HDAC4: variants seen among roughly 807,000 people sequenced by gnomAD.
The protein encoded by HDAC4 is histone deacetylase A.
A neutral mutation model predicts 135.1 loss-of-function variants in HDAC4; 16 were observed. That is an observed-to-expected ratio of 0.12 (90% confidence interval 0.08 to 0.18). The LOEUF (loss-of-function observed/expected upper bound fraction) is 0.18. Ranked by LOEUF, HDAC4 falls within the 10% of genes least tolerant of loss-of-function variation. The pLI is 1.00. For missense variants in HDAC4, 1,143 were observed against 1,511.8 expected (o/e 0.76, Z 4.05); for synonymous variants, 685 against 653.4 (o/e 1.05, Z -0.74).
At chr2:239,125,772 A>G (rs1559477730) in intron 12 of HDAC4, among the ~76,000 whole-genome samples, 1 of 152,226 alleles carries the variant, frequency 6.6e-6, no homozygotes, top group Non-Finnish European at 1.5e-5. Context: ...AGCCTTGCCT[A>G]CTACCTCCTC....
At chr2:239,112,366 GA>G (rs1249304037) in intron 13 of HDAC4, among the ~76,000 whole-genome samples, 2 of 152,218 alleles carry the variant, frequency 1.3e-5, no homozygotes, top group East Asian at 3.9e-4. Flanking sequence ...TCTCAGACTT[GA>G]AAGTGCCAAC....
chr2:239,116,094 G>C (rs758345738), intron 12 of HDAC4, among the ~76,000 whole-genome samples: 2 of 152,132 alleles, frequency 1.3e-5, no homozygotes, highest in African/African-American at 4.8e-5. Flanking sequence ...TCTCAGTGCG[G>C]AACAGGCGGC....
chr2:239,230,368 C>CAAAAAAAAAAAAAAAAAAAAAAG (rs2047478073), intron 3 of HDAC4, among the ~76,000 whole-genome samples: 1 of 79,394 alleles, frequency 1.3e-5, no homozygotes, highest in Non-Finnish European at 2.3e-5. Context: ...AGCAAGCAAG[C>CAAAAAAAAAAAAAAAAAAAAAAG]AAAAAAAAAA....
chr2:239,370,351 TAGAGTAAAAGC>T (rs1374635744), intron 1 of HDAC4, among the ~76,000 whole-genome samples: 1 of 151,694 alleles, frequency 6.6e-6, no homozygotes, highest in Non-Finnish European at 1.5e-5. Flanking sequence ...TGTTAAAGGG[TAGAGTAAAAGC>T]AGGTATGGTT....
intron 3 of HDAC4, 85 bp downstream of exon 3, chr2:239,236,508 C>T (rs908396961): frequency 3.6e-6 from 4 of 1,114,346 alleles, no homozygotes; most frequent in Non-Finnish European, 5.3e-6. Context: ...GCCCTCTCTG[C>T]ACTCCTCCAA....
rs558526696 is a variant in HDAC4, at chr2:239,397,247, AG to A, written c.-220+3730del. 5.3e-5 allele frequency among the ~76,000 whole-genome samples: 8 copies of A among 152,338 alleles called. No individual in the cohort carries two copies. The East Asian group carries it at 1.4e-3, about 26-fold the overall frequency. The stretch of plus-strand genomic sequence containing the variant: ...AACTGGCCTTTGGGACTGGAGATGC[AG>A]GGGGTGGCACATGGTCCATTTCATT... On this transcript the variant is annotated intron_variant, in intron 1 of 26. Coordinates refer to ENST00000543185, the MANE Select transcript of HDAC4 (RefSeq NM_001378414.1).
intron 2 of HDAC4, among the ~76,000 whole-genome samples, chr2:239,346,649 C>T (rs1432485161): frequency 6.6e-6 from 1 of 151,398 alleles, no homozygotes; most frequent in African/African-American, 2.4e-5. Flanking sequence ...CTAAAACACA[C>T]ACCCATATCT....
intron 3 of HDAC4, among the ~76,000 whole-genome samples, chr2:239,205,400 C>T (rs1458088375): frequency 6.6e-6 from 1 of 152,060 alleles, no homozygotes. Flanking sequence ...TCACAGAAGC[C>T]AGGACCAGTG....
intron 2 of HDAC4, among the ~76,000 whole-genome samples, chr2:239,301,466 T>G (rs1035885014): frequency 2.7e-5 from 3 of 112,740 alleles, no homozygotes; most frequent in Non-Finnish European, 5.3e-5. Context: ...GCTGGTGCTT[T>G]CTTTCTTTTT....
chr2:239,377,925 C>T (rs11680658), intron 1 of HDAC4, among the ~76,000 whole-genome samples: 2 of 151,866 alleles, frequency 1.3e-5, no homozygotes, highest in African/African-American at 2.4e-5. Context: ...TGGTTTTACA[C>T]CCACCTCAAG....
At chr2:239,121,088 C>T (rs2152831474) in intron 12 of HDAC4, among the ~76,000 whole-genome samples, 1 of 151,606 alleles carries the variant, frequency 6.6e-6, no homozygotes, top group East Asian at 1.9e-4. Flanking sequence ...CCTCAGCCTC[C>T]TGAGTAGCTG....
chr2:239,199,339 G>C (rs1428513276), intron 3 of HDAC4, among the ~76,000 whole-genome samples: 2 of 152,060 alleles, frequency 1.3e-5, no homozygotes, highest in African/African-American at 4.8e-5. Flanking sequence ...AATGATCACT[G>C]ACTAGATTCT....
intron 12 of HDAC4, among the ~76,000 whole-genome samples, chr2:239,125,088 C>T (rs886744503): frequency 2.6e-5 from 4 of 152,214 alleles, no homozygotes; most frequent in African/African-American, 4.8e-5. Context: ...GTGGCTATCA[C>T]GACTGATACG....
rs574878695 is a variant in HDAC4 at position 239,240,222 on chromosome 2, T to C, written c.23-3558A>G. Among the ~76,000 whole-genome samples the C allele has an allele frequency of 6.6e-6, 1 of 152,334 alleles. No individual in the cohort carries two copies. The highest frequency in any genetic ancestry group is 2.4e-5 in the African/African-American group (1 of 41,578). ...GCCACCAGGCCTGGGAAAGACAGCT[T>C]TGGAACGGACCTAAACAAAGCGTGG... is the stretch of plus-strand genomic sequence containing the variant. On this transcript the variant is annotated intron_variant, in intron 2 of 26. Coordinates refer to ENST00000543185, the MANE Select transcript of HDAC4 (RefSeq NM_001378414.1). This position sits in a 1 kb window ranked among gnomAD's most constrained non-coding sequence, Gnocchi z 4.5.
Position 239,134,522 on chromosome 2 carries a change from C to T in HDAC4, c.1095+5G>A. 1 of 1,613,996 alleles carries T rather than the reference C, an allele frequency of 6.2e-7. No individual in the cohort carries two copies. The highest frequency in any genetic ancestry group is 8.5e-7 in the Non-Finnish European group (1 of 1,179,938). On this transcript the variant is annotated splice_donor_5th_base_variant and intron_variant, in intron 10 of 26. Transcript: ENST00000543185. ...CACCACACGGACCCACGGGGGCTGA[C>T]TTACCGCAGAGGGGCCGGTGGCAGG... is the stretch of plus-strand genomic sequence containing the variant.
intron 1 of HDAC4, among the ~76,000 whole-genome samples, chr2:239,391,600 C>T (rs2126106527): frequency 6.6e-6 from 1 of 152,328 alleles, no homozygotes; most frequent in East Asian, 1.9e-4. Context: ...TGACAAAGGA[C>T]TCACTGAGGT....
chr2:239,270,720 C>A (rs1046969618), intron 2 of HDAC4, among the ~76,000 whole-genome samples: 34 of 152,150 alleles, frequency 2.2e-4, no homozygotes, highest in Admixed American at 1.8e-3. Flanking sequence ...ATCATTAAAC[C>A]ATCTACTTAA....
At chr2:239,176,672 G>A in intron 4 of HDAC4, 109 bp from the exon 5 acceptor site, 1 of 995,076 alleles carries the variant, frequency 1.0e-6, no homozygotes, top group Non-Finnish European at 1.5e-6. Flanking sequence ...CTGCCCTGGT[G>A]TGGCCCTGGG....
At chr2:239,054,920 T>G (rs925348619) in intron 24 of HDAC4, 87 bp from the exon 25 acceptor site, 2 of 935,638 alleles carry the variant, frequency 2.1e-6, no homozygotes, top group Admixed American at 1.7e-5. Context: ...AACTGTTTCC[T>G]GAGCACAGAG....
Sources: allele counts gnomAD v4.1 joint callset (sites outside exome capture counted in the v4.1 genomes callset), GRCh38; gene constraint gnomAD v4.1.1; non-coding constraint Gnocchi (gnomAD v3.1); transcripts MANE v1.5; gene names NCBI Gene and HGNC (gene_info 2026-07-23, HGNC 2026-07-21).